GALNT18: variants seen among roughly 807,000 people sequenced by gnomAD.
GALNT18 encodes the protein polypeptide N-acetylgalactosaminyltransferase 18, also known as GalNAc-transferase 18.
A neutral mutation model predicts 69.5 loss-of-function variants in GALNT18; 44 were observed. The ratio of observed to expected loss-of-function variants is 0.63; its 90% CI spans 0.50 to 0.81. The LOEUF (loss-of-function observed/expected upper bound fraction) is 0.81. GALNT18 is among the 40% of genes least tolerant of loss of function. The pLI is 0.00. For missense variants in GALNT18, 715 were observed against 810.0 expected, an observed-to-expected ratio of 0.88 and a Z score of 1.42; for synonymous variants, 364 against 318.2, an observed-to-expected ratio of 1.14 and a Z score of -1.53.
chr11:11,429,330 A>G (rs1033103201), intron 3 of GALNT18, among the ~76,000 whole-genome samples: 5 of 152,112 alleles, frequency 3.3e-5, no homozygotes, highest in African/African-American at 9.7e-5. Context: ...CGATGCCTAC[A>G]TATCTTACCC....
chr11:11,287,634 A>C (rs1849218116), intron 10 of GALNT18, among the ~76,000 whole-genome samples: 1 of 152,214 alleles, frequency 6.6e-6, no homozygotes, highest in Non-Finnish European at 1.5e-5. Flanking sequence ...ACATATACTT[A>C]ATGCATATGA....
intron 1 of GALNT18, among the ~76,000 whole-genome samples, chr11:11,504,483 G>A (rs1023488889): frequency 5.3e-5 from 8 of 152,190 alleles, no homozygotes; most frequent in South Asian, 2.1e-4. Flanking sequence ...ATCACCGGGC[G>A]TGATGGCTCA....
At position 11,270,996 on chromosome 11, in the gene GALNT18, A is replaced by AT. The variant is rs887164873; in HGVS notation, c.*147dup. 1.6e-5 allele frequency: 10 copies of AT among 621,474 alleles called. No individual in the cohort carries two copies. The African/African-American group carries it at 1.8e-4, about 11-fold the overall frequency. The allele number at this position is 621,474 out of a possible 1,614,324, so 38.5% of individuals were successfully genotyped here. ...CAATCAGCATCTTTCTATAAACTCC[A>AT]TGAAAATTGAATAGGAAATAAAAAG... On this transcript the variant is annotated 3_prime_UTR_variant, in exon 11 of 11. Coordinates refer to ENST00000227756, the MANE Select transcript of GALNT18 (RefSeq NM_198516.3).
At chr11:11,351,136 C>G (rs1850392804) in intron 6 of GALNT18, among the ~76,000 whole-genome samples, 1 of 152,134 alleles carries the variant, frequency 6.6e-6, no homozygotes, top group African/African-American at 2.4e-5. Context: ...TGAGTTCATT[C>G]AAAGCAGTAC....
Position 11,439,376 on chromosome 11 carries a change from T to C in GALNT18, c.429-6589A>G, listed in dbSNP as rs1169629983. 6.6e-6 allele frequency among the ~76,000 whole-genome samples: 1 copy of C among 152,100 alleles called. No homozygotes were observed. Among genetic ancestry groups the C allele is most frequent in the Non-Finnish European group, 1.5e-5 (1 of 68,026 alleles). ...TGTGATTGTGGGCCTTCATCAGCCT[T>C]CAAAAAATCCCAACCACCTGTGGTC... On this transcript the variant is annotated intron_variant, in intron 2 of 10. Coordinates refer to ENST00000227756, the MANE Select transcript of GALNT18 (RefSeq NM_198516.3). The surrounding 1 kb of genome is among the most constrained non-coding windows in gnomAD (Gnocchi z 4.4).
chr11:11,344,202 C>T (rs541182338), intron 6 of GALNT18, among the ~76,000 whole-genome samples: 1 of 152,158 alleles, frequency 6.6e-6, no homozygotes. Context: ...AATACACTCT[C>T]TGCTACAGCC....
At chr11:11,572,784 G>A (rs1858824547) in intron 1 of GALNT18, among the ~76,000 whole-genome samples, 2 of 152,310 alleles carry the variant, frequency 1.3e-5, no homozygotes, top group African/African-American at 4.8e-5. Flanking sequence ...GCCAGCTTCT[G>A]CTCACAGGAA....
intron 1 of GALNT18, among the ~76,000 whole-genome samples, chr11:11,579,892 T>G (rs544424506): frequency 2.6e-4 from 39 of 152,160 alleles, no homozygotes; most frequent in African/African-American, 8.7e-4. Flanking sequence ...AGTCAACCTC[T>G]GAGTTGTGAC....
Position 11,583,765 on chromosome 11 carries a change from C to T in GALNT18, c.235+37594G>A, listed in dbSNP as rs1859150065. Among the ~76,000 whole-genome samples the T allele has an allele frequency of 6.6e-6, 1 of 152,100 alleles. No individual in the cohort carries two copies. The highest frequency in any genetic ancestry group is 6.5e-5 in the Admixed American group (1 of 15,276). On this transcript the variant is annotated intron_variant, in intron 1 of 10. Coordinates refer to ENST00000227756, the MANE Select transcript of GALNT18 (RefSeq NM_198516.3). This position sits in a 1 kb window ranked among gnomAD's most constrained non-coding sequence, Gnocchi z 4.7. ...TCCTTTCAGAAAAGCAAAAATCAAA[C>T]CAGACTTATAGCACTATCGGCCAGT...
Position 11,423,734 on chromosome 11 carries a change from T to C in GALNT18, c.595+8887A>G, listed in dbSNP as rs930931274. 7.4e-4 allele frequency among the ~76,000 whole-genome samples: 113 copies of C among 152,324 alleles called. 1 individual carries two copies. Among genetic ancestry groups the C allele is most frequent in the African/African-American group, 2.7e-3 (112 of 41,580 alleles). ...TGGTGTACCAGAGGCAAGCAGCCTGTTTAATGGTAAAGGGTGTAGACGCTG... is the reference window on the plus strand; with the variant it reads ...TGGTGTACCAGAGGCAAGCAGCCTGCTTAATGGTAAAGGGTGTAGACGCTG... On this transcript the variant is annotated intron_variant, in intron 3 of 10. Coordinates refer to ENST00000227756, the MANE Select transcript of GALNT18 (RefSeq NM_198516.3).
rs71037031 is a variant in GALNT18, at chr11:11,586,833, CAAAA to C, written c.235+34522_235+34525del. On this transcript the variant is annotated intron_variant, in intron 1 of 10. Transcript: ENST00000227756. This position sits in a 1 kb window ranked among gnomAD's most constrained non-coding sequence, Gnocchi z 4.1. ...TACTAAAAACACACACACACACACA[CAAAA>C]AAAAGCCAGGTGTGGTGGCGGGCGT... Among the ~76,000 whole-genome samples, 31 of 150,740 alleles carry C rather than the reference CAAAA, an allele frequency of 2.1e-4. 1 individual carries two copies. Among genetic ancestry groups the C allele is most frequent in the Non-Finnish European group, 3.5e-4 (24 of 67,658 alleles).
Position 11,477,255 on chromosome 11 carries a change from C to T in GALNT18, c.236-28319G>A, listed in dbSNP as rs1016846376. Among the ~76,000 whole-genome samples, 3 of 152,320 alleles carry T rather than the reference C, an allele frequency of 2.0e-5. No individual in the cohort carries two copies. The South Asian group carries it at 6.2e-4, about 32-fold the overall frequency. On this transcript the variant is annotated intron_variant, in intron 1 of 10. Transcript: ENST00000227756. ...GCATCCTGCCCAGGAAGGCATCTTT[C>T]CAGGGCATGGGATCCCTCAATAAGC...
chr11:11,327,600 C>A (rs191119770), intron 8 of GALNT18, among the ~76,000 whole-genome samples: 9 of 152,352 alleles, frequency 5.9e-5, no homozygotes, highest in South Asian at 2.1e-4. Context: ...TGGGACCAGA[C>A]GCTCTCTGCC....
chr11:11,333,955 G>A (rs1564898791), intron 7 of GALNT18, among the ~76,000 whole-genome samples: 1 of 151,994 alleles, frequency 6.6e-6, no homozygotes, highest in African/African-American at 2.4e-5. Context: ...GCATCTCAGA[G>A]GATGACACCA....
chr11:11,459,041 C>A lies in GALNT18; in HGVS notation c.236-10105G>T, dbSNP rs889812465. 6.6e-6 allele frequency among the ~76,000 whole-genome samples: 1 copy of A among 152,186 alleles called. No homozygotes were observed. Among genetic ancestry groups the A allele is most frequent in the Non-Finnish European group, 1.5e-5 (1 of 68,036 alleles). ...ATCATAGCGGTACTCTTCTTATATC[C>A]AGCAAAGCAAGATGTTATGCCTCTG... On this transcript the variant is annotated intron_variant, in intron 1 of 10. Coordinates refer to ENST00000227756, the MANE Select transcript of GALNT18 (RefSeq NM_198516.3). The surrounding 1 kb of genome is among the most constrained non-coding windows in gnomAD (Gnocchi z 5.0).
chr11:11,275,075 A>G (rs12292937), intron 10 of GALNT18, among the ~76,000 whole-genome samples: 90,270 of 152,100 alleles, frequency 0.59, 27,515 homozygotes, highest in Middle Eastern at 0.74. Context: ...TGGGACCGCT[A>G]GGTCAAATAG....
At chr11:11,574,759 G>A (rs973301215) in intron 1 of GALNT18, among the ~76,000 whole-genome samples, 2 of 122,146 alleles carry the variant, frequency 1.6e-5, no homozygotes, top group Non-Finnish European at 1.9e-5. Flanking sequence ...AACAGATGGA[G>A]CCAATTTAAT....
rs996562764 is a variant in GALNT18 at position 11,436,468 on chromosome 11, G to A, written c.429-3681C>T. ...TGAAAGTCCTAGGCACACCAGGTCA[G>A]GCGGTCCCCCATGCCTATACCACCA... On this transcript the variant is annotated intron_variant, in intron 2 of 10. Transcript: ENST00000227756. The surrounding 1 kb of genome is among the most constrained non-coding windows in gnomAD (Gnocchi z 4.5). Among the ~76,000 whole-genome samples the A allele has an allele frequency of 1.3e-5, 2 of 152,132 alleles. No individual in the cohort carries two copies. The highest frequency in any genetic ancestry group is 2.9e-5 in the Non-Finnish European group (2 of 68,028).
chr11:11,537,464 G>C (rs4243935), intron 1 of GALNT18, among the ~76,000 whole-genome samples: 73,725 of 151,972 alleles, frequency 0.49, 18,840 homozygotes, highest in East Asian at 0.82. Flanking sequence ...GATTTTGTAG[G>C]TCTGCATGGT....
Sources: gnomAD v4.1 joint callset for allele counts (sites outside exome capture counted in the v4.1 genomes callset) on GRCh38, gnomAD v4.1.1 for gene constraint, Gnocchi (gnomAD v3.1) non-coding constraint, MANE v1.5 for transcripts, NCBI Gene and HGNC (gene_info 2026-07-23, HGNC 2026-07-21) for gene names.